The following RPS6KA6 variants were observed in gnomAD, a reference collection of about 807,000 sequenced individuals.
The protein encoded by RPS6KA6 is ribosomal protein S6 kinase A6.
Under a neutral mutation model 65.4 loss-of-function variants are expected in RPS6KA6, and 27 were observed. That is an observed-to-expected ratio of 0.41 (90% CI 0.30 to 0.57). The LOEUF (loss-of-function observed/expected upper bound fraction) is 0.57, where lower values mean the gene tolerates loss of function less well. RPS6KA6 is among the 20% of genes least tolerant of loss of function. The pLI, the probability that RPS6KA6 is intolerant of heterozygous loss-of-function variation, is 0.24. For synonymous variants in RPS6KA6, 190 were observed against 184.2 expected, an observed-to-expected ratio of 1.03 and a Z score of -0.26; for missense variants, 486 against 555.6, an observed-to-expected ratio of 0.87 and a Z score of 1.26.
chrX:84,090,687 C>T (rs902145463), intron 20 of RPS6KA6, among the ~76,000 whole-genome samples: 4 of 111,538 alleles, frequency 3.6e-5, no homozygotes, highest in African/African-American at 1.3e-4. Context: ...TTCACTATCA[C>T]GCGAACAACA....
chrX:84,071,824 T>C (rs936413281), intron 20 of RPS6KA6, among the ~76,000 whole-genome samples: 1 of 111,218 alleles, frequency 9.0e-6, no homozygotes, highest in African/African-American at 3.3e-5. Flanking sequence ...TGCCAACAAA[T>C]TGGAACACCT....
chrX:84,146,110 A>G (rs1229970726), intron 5 of RPS6KA6, among the ~76,000 whole-genome samples: 1 of 111,364 alleles, frequency 9.0e-6, no homozygotes, highest in African/African-American at 3.3e-5. Flanking sequence ...AAAGTGTTTC[A>G]CTTCTATAGC....
chrX:84,149,871 G>A (rs1042232465), intron 3 of RPS6KA6, among the ~76,000 whole-genome samples: 2 of 111,807 alleles, frequency 1.8e-5, no homozygotes, highest in Non-Finnish European at 3.8e-5. Flanking sequence ...TCCAAGCTAT[G>A]AAGCTAGGCG....
chrX:84,165,400 A>C (rs1055414134), intron 1 of RPS6KA6, among the ~76,000 whole-genome samples: 2 of 111,678 alleles, frequency 1.8e-5, no homozygotes, highest in African/African-American at 6.5e-5. Flanking sequence ...CTACATAAGA[A>C]CTCTGAAAAT....
In RPS6KA6 at chrX:84,158,815, C is replaced by G. The variant is rs868049224; in HGVS notation, c.142-2624G>C. Among the ~76,000 whole-genome samples the G allele has an allele frequency of 1.3e-4, 15 of 111,395 alleles. No individual in the cohort carries two copies. In the Middle Eastern group the frequency reaches 0.014, roughly 104 times the overall value. On this transcript the variant is annotated intron_variant, in intron 2 of 21. Transcript: ENST00000262752. ...AGACAATTTGTAATGCCCTGGTTGC[C>G]CATAAGAATCACCTGTAGAAGAAAT...
Position 84,120,007 on chromosome X carries a change from A to C in RPS6KA6, c.667T>G (p.Ser223Ala). Residue 223 changes from serine to alanine, a missense_variant, in exon 9 of 22, where the codon TCA (serine) becomes GCA (alanine). Physicochemically the swap from Ser to Ala is moderately conservative, Grantham distance 99. Coordinates refer to ENST00000262752, the MANE Select transcript of RPS6KA6 (RefSeq NM_014496.5). ...KLTDFGLSKE[S>A]VDQEKKAYSF... ...TAAGCCTTCTTTTCTTGATCTACTG[A>C]CTCCTTGCTGAGTCCAAAATCTATA... The C allele has an allele frequency of 8.4e-7, 1 of 1,185,634 alleles. No homozygotes were observed. Among genetic ancestry groups the C allele is most frequent in the Non-Finnish European group, 1.1e-6 (1 of 882,285 alleles).
rs1028593764 is a variant in RPS6KA6, at chrX:84,077,369, T to C, written c.1972-12258A>G. Among the ~76,000 whole-genome samples, 5 of 111,474 alleles carry C rather than the reference T, an allele frequency of 4.5e-5. No homozygotes were observed. The Admixed American group carries it at 4.8e-4, about 11-fold the overall frequency. ...GGTACCTGATTTCAAAATTTAATTA[T>C]AAAGCAACAGTAACGAAGATAGTAT... On this transcript the variant is annotated intron_variant, in intron 20 of 21. Coordinates refer to ENST00000262752, the MANE Select transcript of RPS6KA6 (RefSeq NM_014496.5).
rs772331375 is a variant in RPS6KA6 at position 84,117,496 on chromosome X, T to C, written c.790-42A>G. 8.9e-5 allele frequency: 72 copies of C among 805,335 alleles called. 1 individual carries two copies. The South Asian group carries it at 2.1e-3, about 24-fold the overall frequency. The allele number at this position is 805,335 out of a possible 1,213,427, so 66.4% of individuals were successfully genotyped here. On this transcript the variant is annotated intron_variant, in intron 9 of 21. Transcript: ENST00000262752. ...AAACACACCACACAATTAGAACACC[T>C]TAGAATATATAATAAGATTCTCTAG...
chrX:84,156,758 G>A (rs1418352519), intron 2 of RPS6KA6, among the ~76,000 whole-genome samples: 2 of 111,376 alleles, frequency 1.8e-5, no homozygotes, highest in Non-Finnish European at 3.8e-5. Flanking sequence ...GCCAGATTTC[G>A]TACCACCTGG....
At chrX:84,123,625 C>A (rs1391532300) in intron 8 of RPS6KA6, among the ~76,000 whole-genome samples, 1 of 112,149 alleles carries the variant, frequency 8.9e-6, no homozygotes, top group Non-Finnish European at 1.9e-5. Context: ...GAGGGAAGTG[C>A]AACAAAGATT....
At chrX:84,159,441 A>T (rs189249276) in intron 2 of RPS6KA6, among the ~76,000 whole-genome samples, 1 of 110,804 alleles carries the variant, frequency 9.0e-6, no homozygotes, top group Non-Finnish European at 1.9e-5. Flanking sequence ...CTGAGAGTAA[A>T]TCATCCTTAA....
chrX:84,093,910 G>A (rs2034098385), intron 20 of RPS6KA6, among the ~76,000 whole-genome samples: 1 of 111,390 alleles, frequency 9.0e-6, no homozygotes, highest in Admixed American at 9.6e-5. Flanking sequence ...GGGCTTAGGA[G>A]AGAACAATGT....
chrX:84,174,142 T>C (rs1602487986), intron 1 of RPS6KA6, among the ~76,000 whole-genome samples: 1 of 112,134 alleles, frequency 8.9e-6, no homozygotes, highest in East Asian at 2.8e-4. Flanking sequence ...TCTTTTATAC[T>C]ACCAAATATT....
At chrX:84,116,872 A>C (rs2034578265) in intron 11 of RPS6KA6, among the ~76,000 whole-genome samples, 188 bp downstream of exon 11, 1 of 112,085 alleles carries the variant, frequency 8.9e-6, no homozygotes. Flanking sequence ...AGAAGCTTTC[A>C]TTAACTAGAC....
At chrX:84,083,008 A>T (rs2033836483) in intron 20 of RPS6KA6, among the ~76,000 whole-genome samples, 1 of 112,538 alleles carries the variant, frequency 8.9e-6, no homozygotes, top group Non-Finnish European at 1.9e-5. Flanking sequence ...AAGAAAACCT[A>T]GGCAATATCA....
chrX:84,068,265 C>A (rs2033449289), intron 20 of RPS6KA6, among the ~76,000 whole-genome samples: 1 of 111,788 alleles, frequency 8.9e-6, no homozygotes. Context: ...TCACACGTAA[C>A]AATATTAATT....
chrX:84,107,554 A>C (rs1487200581), intron 13 of RPS6KA6, 69 bp downstream of exon 13: 1 of 666,923 alleles, frequency 1.5e-6, no homozygotes, highest in Non-Finnish European at 2.2e-6. Context: ...TTTTTACTTC[A>C]CAAGAAAGTT....
chrX:84,074,483 T>C (rs942471438), intron 20 of RPS6KA6, among the ~76,000 whole-genome samples: 1 of 111,656 alleles, frequency 9.0e-6, no homozygotes, highest in East Asian at 2.8e-4. Context: ...GATACTGTAT[T>C]ATACATTTCA....
chrX:84,188,487 A>C (rs752493587), upstream of RPS6KA6, among the ~76,000 whole-genome samples: 1 of 110,861 alleles, frequency 9.0e-6, no homozygotes, highest in Admixed American at 9.5e-5. Flanking sequence ...GCCTCGGTAA[A>C]CCTGCCCACT....
Sources: allele counts gnomAD v4.1 joint callset (sites outside exome capture counted in the v4.1 genomes callset), GRCh38; gene constraint gnomAD v4.1.1; transcripts MANE v1.5; gene names NCBI Gene and HGNC (gene_info 2026-07-23, HGNC 2026-07-21).